CDC42BPB: variants seen among roughly 807,000 people sequenced by gnomAD.
The protein encoded by CDC42BPB is CDC42 binding protein kinase beta.
A neutral mutation model predicts 214.9 loss-of-function variants in CDC42BPB; 37 were observed. That is an observed-to-expected ratio of 0.17 (90% confidence interval 0.13 to 0.23). The LOEUF (loss-of-function observed/expected upper bound fraction) is 0.23, where lower values mean the gene tolerates loss of function less well. CDC42BPB is among the 10% of genes least tolerant of loss of function. CDC42BPB has a pLI of 1.00. For missense variants in CDC42BPB, 1,694 were observed against 2,227.0 expected (o/e 0.76, Z 4.82); for synonymous variants, 931 against 884.0 (o/e 1.05, Z -0.94).
At chr14:103,039,199 A>G (rs1171967226) in intron 1 of CDC42BPB, among the ~76,000 whole-genome samples, 4 of 151,504 alleles carry the variant, frequency 2.6e-5, no homozygotes, top group Non-Finnish European at 5.9e-5. Flanking sequence ...AAACATTTAA[A>G]TAAGAGTTAT....
chr14:103,050,601 TAA>T (rs374911905), intron 1 of CDC42BPB, among the ~76,000 whole-genome samples: 3 of 151,314 alleles, frequency 2.0e-5, no homozygotes, highest in African/African-American at 7.2e-5. Flanking sequence ...CCACAAAAAA[TAA>T]AAAATTAGCC....
chr14:103,039,854 T>C (rs1887888074), intron 1 of CDC42BPB, among the ~76,000 whole-genome samples: 1 of 152,160 alleles, frequency 6.6e-6, no homozygotes, highest in Non-Finnish European at 1.5e-5. Context: ...TAATTTTATA[T>C]ATAAAATTTA....
chr14:103,029,216 T>C (rs1364802979), intron 1 of CDC42BPB, among the ~76,000 whole-genome samples: 1 of 152,224 alleles, frequency 6.6e-6, no homozygotes, highest in Non-Finnish European at 1.5e-5. Flanking sequence ...TGTTGCTAAT[T>C]ATATGAAACT....
chr14:103,041,470 T>A, intron 1 of CDC42BPB: 2 of 1,244,530 alleles, frequency 1.6e-6, no homozygotes, highest in African/African-American at 1.5e-5. Flanking sequence ...TAGGCAGCCA[T>A]GGCGCCCAGC....
chr14:103,038,151 A>ATGG (rs1192359148), intron 1 of CDC42BPB, among the ~76,000 whole-genome samples: 1 of 151,728 alleles, frequency 6.6e-6, no homozygotes, highest in Non-Finnish European at 1.5e-5. Context: ...CCTGGTCAAC[A>ATGG]TGGCGAAACC....
chr14:103,011,267 C>T (rs1372968162), intron 2 of CDC42BPB, among the ~76,000 whole-genome samples: 1 of 152,226 alleles, frequency 6.6e-6, no homozygotes, highest in African/African-American at 2.4e-5. Context: ...TCCAGCTGCA[C>T]CTGCATGACT....
intron 30 of CDC42BPB, among the ~76,000 whole-genome samples, chr14:102,942,785 A>G (rs1316933478): frequency 3.5e-5 from 4 of 114,358 alleles, no homozygotes; most frequent in Non-Finnish European, 5.5e-5. Context: ...GATCACTACA[A>G]CCTCTGCGTC....
At chr14:102,992,922 G>A (rs938587086) in intron 5 of CDC42BPB, among the ~76,000 whole-genome samples, 5 of 151,826 alleles carry the variant, frequency 3.3e-5, no homozygotes, top group Non-Finnish European at 5.9e-5. Context: ...TTGACTCCCT[G>A]GGTTCAAGCG....
Position 103,004,737 on chromosome 14 carries a change from C to T in CDC42BPB, c.352-714G>A, listed in dbSNP as rs1388183104. Among the ~76,000 whole-genome samples the T allele has an allele frequency of 2.0e-5, 3 of 152,018 alleles. No homozygotes were observed. The highest frequency in any genetic ancestry group is 4.4e-5 in the Non-Finnish European group (3 of 67,986). The stretch of plus-strand genomic sequence containing the variant: ...TAGAAAAACTAGCCAGGTGTGGTGG[C>T]AGGTGCCTGTAATCCCAGCTACATG... On this transcript the variant is annotated intron_variant, in intron 3 of 36. Coordinates refer to ENST00000361246, the MANE Select transcript of CDC42BPB (RefSeq NM_006035.4). This position sits in a 1 kb window ranked among gnomAD's most constrained non-coding sequence, Gnocchi z 5.3.
chr14:102,947,156 A>T lies in CDC42BPB; in HGVS notation c.3532-472T>A, dbSNP rs34199076. Among the ~76,000 whole-genome samples the T allele has an allele frequency of 5.7e-3, 867 of 152,320 alleles. 10 individuals carry two copies. The highest frequency in any genetic ancestry group is 0.02 in the African/African-American group (841 of 41,568). On this transcript the variant is annotated intron_variant, in intron 27 of 36. Transcript: ENST00000361246. ...GTGTATGACAGGGTTGTTTCTGAATAGAGCTGTGATTTAGTAAAAGCTAAT... is the reference window on the plus strand; with the variant it reads ...GTGTATGACAGGGTTGTTTCTGAATTGAGCTGTGATTTAGTAAAAGCTAAT...
At chr14:102,934,385 T>C (rs1891539483) in intron 36 of CDC42BPB, among the ~76,000 whole-genome samples, 1 of 151,722 alleles carries the variant, frequency 6.6e-6, no homozygotes, top group Non-Finnish European at 1.5e-5. Context: ...ATACAAAAAA[T>C]TAGCCGGGCG....
intron 9 of CDC42BPB, among the ~76,000 whole-genome samples, chr14:102,977,193 G>T (rs1351991531): frequency 6.6e-6 from 1 of 151,990 alleles, no homozygotes; most frequent in Non-Finnish European, 1.5e-5. Context: ...AAAAAAATTA[G>T]TCGGGCGTGG....
Position 103,045,659 on chromosome 14 carries a change from T to C in CDC42BPB, c.175+11340A>G, listed in dbSNP as rs76419731. Reference sequence around the variant, plus strand: ...CTCTCCTGTCGTCCCATTTCCTCCTTCTATTCATGGGGGACTCTTTCAAGT... The same window carrying C: ...CTCTCCTGTCGTCCCATTTCCTCCTCCTATTCATGGGGGACTCTTTCAAGT... On this transcript the variant is annotated intron_variant, in intron 1 of 36. Transcript: ENST00000361246. Among the ~76,000 whole-genome samples, 1,380 of 152,254 alleles carry C rather than the reference T, an allele frequency of 9.1e-3. 21 individuals are homozygous for C. The highest frequency in any genetic ancestry group is 0.031 in the African/African-American group (1,292 of 41,518).
At chr14:103,051,257 G>A (rs1888591747) in intron 1 of CDC42BPB, among the ~76,000 whole-genome samples, 2 of 151,750 alleles carry the variant, frequency 1.3e-5, no homozygotes, top group Admixed American at 6.6e-5. Context: ...ATTAGCAAGA[G>A]AGGCTTTCTG....
chr14:102,953,037 G>C (rs1395728172), intron 23 of CDC42BPB, among the ~76,000 whole-genome samples: 1 of 152,232 alleles, frequency 6.6e-6, no homozygotes, highest in Non-Finnish European at 1.5e-5. Context: ...CAGGAGGACA[G>C]TTCATAACAG....
chr14:102,932,970 A>C lies in CDC42BPB; in HGVS notation c.*742T>G, dbSNP rs1270694708. ...CTGACTTCCCTCAGCCCAGCAGGCC[A>C]CAGGGCCTGCCTGCACCACGACACT... On this transcript the variant is annotated 3_prime_UTR_variant, in exon 37 of 37. Coordinates refer to ENST00000361246, the MANE Select transcript of CDC42BPB (RefSeq NM_006035.4). 6.6e-6 allele frequency: 1 copy of C among 151,542 alleles called. No individual in the cohort carries two copies. Among genetic ancestry groups the C allele is most frequent in the Non-Finnish European group, 1.5e-5 (1 of 67,916 alleles). 9.4% of individuals were successfully genotyped at this position (151,542 alleles called of 1,614,324 possible). A position where few individuals can be genotyped will look rare whatever the true frequency, so the allele number is the denominator to read the frequency against.
chr14:102,990,802 G>A (rs1245042084), intron 5 of CDC42BPB, among the ~76,000 whole-genome samples: 4 of 152,120 alleles, frequency 2.6e-5, no homozygotes, highest in African/African-American at 4.8e-5. Flanking sequence ...CACAGGAGTC[G>A]GCTAGAATGC....
chr14:102,971,550 C>T lies in CDC42BPB; in HGVS notation c.1884+369G>A, dbSNP rs1036881158. ...AACGATCCATCTATCTTGGCGCCTC[C>T]CACAGTGTTGGGATTCCAGGCGTGA... On this transcript the variant is annotated intron_variant, in intron 13 of 36. Coordinates refer to ENST00000361246, the MANE Select transcript of CDC42BPB (RefSeq NM_006035.4). 4.6e-5 allele frequency among the ~76,000 whole-genome samples: 7 copies of T among 152,244 alleles called. No homozygotes were observed. The East Asian group carries it at 9.6e-4, about 21-fold the overall frequency.
At chr14:103,017,796 T>C (rs911690185) in intron 1 of CDC42BPB, among the ~76,000 whole-genome samples, 7 of 152,244 alleles carry the variant, frequency 4.6e-5, no homozygotes, top group African/African-American at 9.6e-5. Flanking sequence ...CCCTTCCTTC[T>C]GCTACAGAGC....
Sources: allele counts gnomAD v4.1 joint callset (sites outside exome capture counted in the v4.1 genomes callset), GRCh38; gene constraint gnomAD v4.1.1; non-coding constraint Gnocchi (gnomAD v3.1); transcripts MANE v1.5; gene names NCBI Gene and HGNC (gene_info 2026-07-23, HGNC 2026-07-21).